The following LEKR1 variants were observed in gnomAD, a reference collection of about 807,000 sequenced individuals.
LEKR1 encodes protein LEKR1.
In LEKR1, 59 loss-of-function variants were observed where a neutral mutation model predicts 72.4. That is an observed-to-expected ratio of 0.82 (90% CI 0.66 to 1.01). The LOEUF (loss-of-function observed/expected upper bound fraction) is 1.01, where lower values mean the gene tolerates loss of function less well. LEKR1 is among the 50% of genes least tolerant of loss of function. The pLI is 0.00. For synonymous variants in LEKR1, 257 were observed against 263.2 expected, an observed-to-expected ratio of 0.98 and a Z score of 0.23; for missense variants, 728 against 759.2, an observed-to-expected ratio of 0.96 and a Z score of 0.48.
intron 4 of LEKR1, among the ~76,000 whole-genome samples, chr3:156,923,717 T>C (rs1195176837): frequency 6.9e-6 from 1 of 145,566 alleles, no homozygotes; most frequent in African/African-American, 2.5e-5. Flanking sequence ...GGTCATATGA[T>C]TAATGTATAT....
chr3:156,967,235 A>G lies in LEKR1; in HGVS notation c.746-11959A>G, dbSNP rs527977082. Among the ~76,000 whole-genome samples, 407 of 152,350 alleles carry G rather than the reference A, an allele frequency of 2.7e-3. 2 individuals are homozygous for G. Among genetic ancestry groups the G allele is most frequent in the African/African-American group, 9.4e-3 (389 of 41,586 alleles). ...AATCAGAACACCTCTCCTCCTCCAAAGGAACGCAGCTCCTCACCAGCAACG... is the reference window on the plus strand; with the variant it reads ...AATCAGAACACCTCTCCTCCTCCAAGGGAACGCAGCTCCTCACCAGCAACG... On this transcript the variant is annotated intron_variant, in intron 6 of 12. Coordinates refer to ENST00000356539, the MANE Select transcript of LEKR1 (RefSeq NM_001004316.3).
intron 6 of LEKR1, among the ~76,000 whole-genome samples, chr3:156,955,597 GATC>G (rs1727552433): frequency 6.6e-6 from 1 of 151,978 alleles, no homozygotes; most frequent in South Asian, 2.1e-4. Context: ...CATTTATTGA[GATC>G]ATCATGTGGT....
intron 10 of LEKR1, among the ~76,000 whole-genome samples, chr3:157,012,318 T>C (rs1488665791): frequency 6.6e-6 from 1 of 152,136 alleles, no homozygotes; most frequent in African/African-American, 2.4e-5. Flanking sequence ...TTTCTTATTA[T>C]GTCTTAAATT....
chr3:156,951,723 A>C, intron 6 of LEKR1, among the ~76,000 whole-genome samples: 1 of 151,008 alleles, frequency 6.6e-6, no homozygotes. Flanking sequence ...CTTCATTTCT[A>C]ATTGGGTGTA....
intron 3 of LEKR1, among the ~76,000 whole-genome samples, chr3:156,879,805 G>C (rs1346173835): frequency 6.6e-6 from 1 of 152,208 alleles, no homozygotes; most frequent in African/African-American, 2.4e-5. Context: ...GTACAGCTCG[G>C]GTTGTGGCTT....
At chr3:156,836,059 A>G (rs927932949) in intron 2 of LEKR1, among the ~76,000 whole-genome samples, 3 of 151,376 alleles carry the variant, frequency 2.0e-5, no homozygotes, top group African/African-American at 7.3e-5. Flanking sequence ...TTTTTAGTAG[A>G]GAGGGGCTTT....
At chr3:156,846,969 C>G (rs1041903903) in intron 2 of LEKR1, among the ~76,000 whole-genome samples, 1 of 152,018 alleles carries the variant, frequency 6.6e-6, no homozygotes, top group Non-Finnish European at 1.5e-5. Context: ...CACACCACCA[C>G]GCCTGGCTAA....
At chr3:157,013,025 T>TCTAG (rs1400112937) in intron 10 of LEKR1, among the ~76,000 whole-genome samples, 1 of 152,240 alleles carries the variant, frequency 6.6e-6, no homozygotes, top group East Asian at 1.9e-4. Flanking sequence ...GTGGTTAAGA[T>TCTAG]CTAGTGAGAT....
chr3:156,842,496 C>T (rs1470822674), intron 2 of LEKR1, among the ~76,000 whole-genome samples: 1 of 151,912 alleles, frequency 6.6e-6, no homozygotes, highest in Non-Finnish European at 1.5e-5. Context: ...AGGTGAGAGC[C>T]TTTCCTATTT....
chr3:156,865,014 T>G (rs1188253414), intron 3 of LEKR1, among the ~76,000 whole-genome samples: 2 of 152,050 alleles, frequency 1.3e-5, no homozygotes, highest in East Asian at 1.9e-4. Flanking sequence ...CCACTTGCAC[T>G]TCTAACATTT....
chr3:156,906,051 A>G (rs554025931), intron 3 of LEKR1, among the ~76,000 whole-genome samples: 16 of 152,300 alleles, frequency 1.1e-4, no homozygotes, highest in Admixed American at 7.9e-4. Context: ...CTGCAAATAA[A>G]TTAATCTTTA....
chr3:156,911,392 A>G (rs1204817490), intron 3 of LEKR1, among the ~76,000 whole-genome samples: 8 of 152,160 alleles, frequency 5.3e-5, no homozygotes, highest in Middle Eastern at 3.4e-3. Context: ...TTCCTTATAG[A>G]TTCTGGATAT....
chr3:156,966,966 C>T (rs558090690), intron 6 of LEKR1, among the ~76,000 whole-genome samples: 1 of 152,226 alleles, frequency 6.6e-6, no homozygotes, highest in East Asian at 1.9e-4. Context: ...CATTTGCTGC[C>T]CACAAATATA....
At chr3:156,869,606 C>G (rs1460910685) in intron 3 of LEKR1, among the ~76,000 whole-genome samples, 1 of 151,608 alleles carries the variant, frequency 6.6e-6, no homozygotes, top group Non-Finnish European at 1.5e-5. Context: ...GTGGATATTA[C>G]TCCCTTGTCA....
chr3:156,925,648 A>G (rs1724645925), intron 4 of LEKR1, among the ~76,000 whole-genome samples: 1 of 152,008 alleles, frequency 6.6e-6, no homozygotes, highest in Admixed American at 6.6e-5. Flanking sequence ...CTTCCTTCCA[A>G]GGTTCTGGGA....
chr3:156,915,986 C>T (rs1723597343), intron 3 of LEKR1, among the ~76,000 whole-genome samples: 1 of 152,118 alleles, frequency 6.6e-6, no homozygotes, highest in African/African-American at 2.4e-5. Flanking sequence ...TATGGCTAGC[C>T]AGTTACCCTA....
chr3:156,861,670 T>C (rs535759981), intron 3 of LEKR1, among the ~76,000 whole-genome samples: 10 of 152,202 alleles, frequency 6.6e-5, no homozygotes, highest in Admixed American at 6.6e-5. Flanking sequence ...CATTGAAAAA[T>C]GGCTCCAGTA....
At chr3:156,914,881 G>A (rs768648903) in intron 3 of LEKR1, among the ~76,000 whole-genome samples, 21 of 151,990 alleles carry the variant, frequency 1.4e-4, no homozygotes, top group South Asian at 8.3e-4. Flanking sequence ...AGATTACTTC[G>A]TCACCCAAGT....
intron 6 of LEKR1, among the ~76,000 whole-genome samples, chr3:156,950,893 C>G (rs1056945329): frequency 6.6e-6 from 1 of 151,678 alleles, no homozygotes; most frequent in Non-Finnish European, 1.5e-5. Context: ...CTTAGGACTT[C>G]CAATGCTATA....
Sources: allele counts gnomAD v4.1 joint callset (sites outside exome capture counted in the v4.1 genomes callset), GRCh38; gene constraint gnomAD v4.1.1; transcripts MANE v1.5; gene names NCBI Gene and HGNC (gene_info 2026-07-23, HGNC 2026-07-21).